MS4A5: variants seen among roughly 807,000 people sequenced by gnomAD.
MS4A5 encodes membrane spanning 4-domains A5.
MS4A5 carries 15 observed loss-of-function variants against 18.2 expected under a neutral mutation model. The observed-to-expected ratio is 0.83, with a 90% CI of 0.55 to 1.27. The LOEUF is 1.27. Ranked by LOEUF, MS4A5 falls within the 50% of genes most tolerant of loss-of-function variation. MS4A5 has a pLI of 0.00. For synonymous variants in MS4A5, 89 were observed against 78.7 expected (o/e 1.13, Z -0.69); for missense variants, 232 against 225.7 (o/e 1.03, Z -0.18).
At chr11:60,438,263 C>T (rs575338825) in intron 4 of MS4A5, among the ~76,000 whole-genome samples, 16 of 152,294 alleles carry the variant, frequency 1.1e-4, no homozygotes, top group Non-Finnish European at 1.9e-4. Flanking sequence ...CTCTGGGATG[C>T]ATTCAAAGCA....
chr11:60,430,099 G>A (rs1395859861), intron 1 of MS4A5, among the ~76,000 whole-genome samples: 1 of 152,212 alleles, frequency 6.6e-6, no homozygotes, highest in Non-Finnish European at 1.5e-5. Context: ...AGACTGAGAA[G>A]GTGGACTGAG....
At chr11:60,441,079 A>G (rs2086108976) in intron 4 of MS4A5, among the ~76,000 whole-genome samples, 1 of 84,930 alleles carries the variant, frequency 1.2e-5, no homozygotes, top group South Asian at 3.7e-4. Flanking sequence ...TATATACACC[A>G]TGGAATACTA....
intron 3 of MS4A5, among the ~76,000 whole-genome samples, chr11:60,433,180 T>C (rs2086060567): frequency 1.3e-5 from 2 of 152,338 alleles, no homozygotes; most frequent in East Asian, 3.9e-4. Context: ...CTTTGACTCA[T>C]ACGAAAGGCA....
Position 60,440,679 on chromosome 11 carries a change from C to T in MS4A5, c.492+6762C>T, listed in dbSNP as rs2086106596. On this transcript the variant is annotated intron_variant, in intron 4 of 4. Transcript: ENST00000300190. Reference sequence around the variant, plus strand: ...CAGCCAAAAAACACATGAAAAAATGCTCACCATCACTGGCCATCAGAGAAA... The same window carrying T: ...CAGCCAAAAAACACATGAAAAAATGTTCACCATCACTGGCCATCAGAGAAA... Among the ~76,000 whole-genome samples, 4 of 146,976 alleles carry T rather than the reference C, an allele frequency of 2.7e-5. No individual in the cohort carries two copies. In the South Asian group the frequency reaches 6.6e-4, roughly 24 times the overall value.
intron 4 of MS4A5, among the ~76,000 whole-genome samples, chr11:60,438,602 A>G (rs186540942): frequency 0.039 from 5,887 of 152,220 alleles, 388 homozygotes; most frequent in African/African-American, 0.13. Flanking sequence ...GTCACCACCG[A>G]TCCCACAGAA....
chr11:60,445,010 C>T (rs1449015015), intron 4 of MS4A5, among the ~76,000 whole-genome samples: 1 of 151,720 alleles, frequency 6.6e-6, no homozygotes, highest in Non-Finnish European at 1.5e-5. Context: ...TAATAGAATA[C>T]TTCTCAGCAA....
intron 4 of MS4A5, among the ~76,000 whole-genome samples, chr11:60,441,625 GA>G (rs34742673): frequency 0.015 from 2,088 of 138,956 alleles, 51 homozygotes; most frequent in African/African-American, 0.052. Context: ...GTCAAGACTT[GA>G]AAAAAAAAAA....
At chr11:60,440,048 A>G (rs2086102043) in intron 4 of MS4A5, among the ~76,000 whole-genome samples, 1 of 144,196 alleles carries the variant, frequency 6.9e-6, no homozygotes, top group Admixed American at 7.1e-5. Context: ...ACAGTCACCA[A>G]AACAGCATGG....
intron 1 of MS4A5, among the ~76,000 whole-genome samples, chr11:60,430,526 C>T (rs947504707): frequency 4.6e-5 from 7 of 152,264 alleles, no homozygotes; most frequent in East Asian, 1.9e-4. Flanking sequence ...CCTGATAGTT[C>T]GCATTTCTAG....
intron 4 of MS4A5, among the ~76,000 whole-genome samples, chr11:60,444,483 C>A (rs1255862460): frequency 6.6e-6 from 1 of 152,048 alleles, no homozygotes. Context: ...ACTACCAAAG[C>A]ACAGAAAGGG....
intron 3 of MS4A5, among the ~76,000 whole-genome samples, chr11:60,432,769 C>CAAAAAAAAAAAAA (rs71036582): frequency 7.2e-6 from 1 of 138,180 alleles, no homozygotes; most frequent in Non-Finnish European, 1.5e-5. Flanking sequence ...GACTCCATCT[C>CAAAAAAAAAAAAA]AAAAAAAAAA....
Position 60,433,801 on chromosome 11 carries a change from C to G in MS4A5, c.376C>G (p.Leu126Val), listed in dbSNP as rs375296408. ...LSRIMNFLSA[L>V]GAIAGIILLT... ...CCGAATAATGAATTTTCTTAGTGCC[C>G]TGGGAGCAATAGCTGGAATCATTCT... Residue 126 changes from leucine (L) to valine (V), a missense_variant, in exon 4 of 5, where the codon CTG (leucine) becomes GTG (valine). Physicochemically the swap from Leu to Val is conservative, Grantham distance 32. Transcript: ENST00000300190. The G allele has an allele frequency of 1.2e-6, 2 of 1,613,896 alleles. No homozygotes were observed. The highest frequency in any genetic ancestry group is 1.3e-5 in the African/African-American group (1 of 75,004).
At chr11:60,443,062 A>G (rs1319995582) in intron 4 of MS4A5, among the ~76,000 whole-genome samples, 5 of 152,068 alleles carry the variant, frequency 3.3e-5, no homozygotes, top group Non-Finnish European at 2.9e-5. Context: ...AATCACTTGA[A>G]CCTGGGAGGC....
chr11:60,429,755 A>G lies in MS4A5; in HGVS notation c.81A>G (p.Glu27=), dbSNP rs778681275. ...CTGCTTCAGAATATGAGTCCACAGA[A>G]CTTTCAGCCACGACCTTTTCAACTC... ...EITASEYEST[E]LSATTFSTQS... Residue 27 remains glutamate (E), a synonymous_variant, in exon 1 of 5, where the codon GAA becomes GAG. Coordinates refer to ENST00000300190, the MANE Select transcript of MS4A5 (RefSeq NM_023945.3). The G allele has an allele frequency of 1.2e-5, 19 of 1,614,024 alleles. No homozygotes were observed.
At chr11:60,442,405 C>T (rs539650043) in intron 4 of MS4A5, among the ~76,000 whole-genome samples, 1 of 152,104 alleles carries the variant, frequency 6.6e-6, no homozygotes, top group Non-Finnish European at 1.5e-5. Flanking sequence ...AAACCAAACA[C>T]CTTATGTTCT....
At chr11:60,432,686 G>A (rs961238622) in intron 3 of MS4A5, among the ~76,000 whole-genome samples, 1 of 151,420 alleles carries the variant, frequency 6.6e-6, no homozygotes, top group Non-Finnish European at 1.5e-5. Context: ...TCAGGAGGCT[G>A]AGGCAGGAGA....
intron 1 of MS4A5, among the ~76,000 whole-genome samples, chr11:60,430,057 G>C (rs747227033): frequency 1.3e-5 from 2 of 152,242 alleles, no homozygotes; most frequent in Non-Finnish European, 2.9e-5. Flanking sequence ...CTTAAAAAGT[G>C]ATAGTTGCTA....
intron 4 of MS4A5, among the ~76,000 whole-genome samples, chr11:60,440,028 C>A (rs2086101943): frequency 6.9e-6 from 1 of 145,760 alleles, no homozygotes; most frequent in South Asian, 2.3e-4. Flanking sequence ...TCAAACTATA[C>A]TACAAGGCTA....
chr11:60,430,393 A>G (rs2086041903), intron 1 of MS4A5, among the ~76,000 whole-genome samples: 2 of 152,170 alleles, frequency 1.3e-5, no homozygotes, highest in South Asian at 4.1e-4. Context: ...CCAGCCTGGT[A>G]TACTCATTTA....
Sources: allele counts gnomAD v4.1 joint callset (sites outside exome capture counted in the v4.1 genomes callset), GRCh38; gene constraint gnomAD v4.1.1; transcripts MANE v1.5; gene names NCBI Gene and HGNC (gene_info 2026-07-23, HGNC 2026-07-21).